DHX30: variants seen among roughly 807,000 people sequenced by gnomAD.
DHX30 encodes the protein ATP-dependent RNA helicase DHX30.
Under a neutral mutation model 116.9 loss-of-function variants are expected in DHX30, and 4 were observed. That is an observed-to-expected ratio of 0.03 (90% CI 0.02 to 0.08). DHX30 has a LOEUF of 0.08. Among genes scored for constraint, DHX30 ranks in the 10% least tolerant of loss-of-function variants. The pLI is 1.00. For missense variants in DHX30, 871 were observed against 1,595.1 expected (o/e 0.55, Z 7.73); for synonymous variants, 697 against 651.7 (o/e 1.07, Z -1.06).
intron 18 of DHX30, 50 bp from the exon 19 acceptor site, chr3:47,849,142 C>T (rs1223356132): frequency 6.2e-7 from 1 of 1,613,086 alleles, no homozygotes; most frequent in Non-Finnish European, 8.5e-7. Context: ...TCTGTCACCT[C>T]CAGCCTGTGG....
rs1372568742 is a variant in DHX30 at position 47,847,553 on chromosome 3, A to T, written c.2110+17A>T. 12 of 1,565,226 alleles carry T rather than the reference A, an allele frequency of 7.7e-6. No individual in the cohort carries two copies. The highest frequency in any genetic ancestry group is 1.2e-5 in the South Asian group (1 of 85,422). On this transcript the variant is annotated intron_variant, in intron 13 of 21. Coordinates refer to ENST00000445061, the MANE Select transcript of DHX30 (RefSeq NM_138615.3). The surrounding 1 kb of genome is among the most constrained non-coding windows in gnomAD (Gnocchi z 5.5). ...TCCTGCCAGGTGAGAGCCCCGGCGG[A>T]GGGACCAGGGACCTTTGGAAACCAG...
intron 3 of DHX30, among the ~76,000 whole-genome samples, chr3:47,812,709 G>C (rs1372533788): frequency 6.7e-6 from 1 of 149,604 alleles, no homozygotes; most frequent in African/African-American, 2.5e-5. Context: ...TGTTGCCCAG[G>C]CTGGAGTGCA....
chr3:47,827,591 A>G (rs1393327865), intron 5 of DHX30, 114 bp downstream of exon 5: 2 of 1,387,906 alleles, frequency 1.4e-6, no homozygotes, highest in East Asian at 2.5e-5. Context: ...TTCCTGAATT[A>G]AAATGGTCAG....
chr3:47,843,685 A>T (rs1331294487), intron 9 of DHX30, among the ~76,000 whole-genome samples: 1 of 152,066 alleles, frequency 6.6e-6, no homozygotes, highest in Non-Finnish European at 1.5e-5. Context: ...CAAGGTAGAG[A>T]CAGTGTGGCA....
At position 47,847,167 on chromosome 3, in the gene DHX30, T is replaced by C. The variant is rs1354983162; in HGVS notation, c.1930-106T>C. On this transcript the variant is annotated intron_variant, in intron 11 of 21. Coordinates refer to ENST00000445061, the MANE Select transcript of DHX30 (RefSeq NM_138615.3). This position sits in a 1 kb window ranked among gnomAD's most constrained non-coding sequence, Gnocchi z 5.5. ...CTGCCTGCGTGGCACACGTGAGGAT[T>C]GGAGTTGATGTCAAGCGGCTCCGTC... 2 of 1,506,378 alleles carry C rather than the reference T, an allele frequency of 1.3e-6. No homozygotes were observed. Among genetic ancestry groups the C allele is most frequent in the African/African-American group, 2.7e-5 (2 of 72,854 alleles). 93.3% of individuals were successfully genotyped at this position (1,506,378 alleles called of 1,614,324 possible). A position where few individuals can be genotyped will look rare whatever the true frequency, so the allele number is the denominator to read the frequency against.
At chr3:47,842,684 A>G (rs1363467149) in intron 8 of DHX30, 3 of 155,112 alleles carry the variant, frequency 1.9e-5, no homozygotes, top group Non-Finnish European at 4.3e-5. Context: ...TTCGTCTCAA[A>G]GTGTGGCGTT....
At chr3:47,817,044 C>G (rs1477689608) in intron 3 of DHX30, 2 of 769,206 alleles carry the variant, frequency 2.6e-6, no homozygotes, top group Middle Eastern at 6.8e-4. Flanking sequence ...ATATCTTTCT[C>G]CTCTTTACCA....
At chr3:47,838,536 A>G (rs915904425) in intron 6 of DHX30, among the ~76,000 whole-genome samples, 1 of 152,220 alleles carries the variant, frequency 6.6e-6, no homozygotes, top group Admixed American at 6.5e-5. Context: ...AAATTTAATT[A>G]TCTCAAAAAC....
intron 3 of DHX30, chr3:47,816,356 C>A: frequency 1.5e-5 from 14 of 924,364 alleles, no homozygotes; most frequent in South Asian, 5.0e-5. Flanking sequence ...GAGCCGTCTT[C>A]TTTTTTTTTT....
intron 6 of DHX30, among the ~76,000 whole-genome samples, chr3:47,837,458 TGGA>T (rs1355871274): frequency 6.6e-6 from 1 of 152,110 alleles, no homozygotes; most frequent in Non-Finnish European, 1.5e-5. Flanking sequence ...GCGGCAGCTG[TGGA>T]GGAGGTTTCT....
rs575212931 is a variant in DHX30 at position 47,844,171 on chromosome 3, G to A, written c.939+916G>A. 5.3e-5 allele frequency among the ~76,000 whole-genome samples: 8 copies of A among 152,346 alleles called. No individual in the cohort carries two copies. In the South Asian group the frequency reaches 1.0e-3, roughly 20 times the overall value. ...GGCCTGCTTTACTCTGAATGGTCAG[G>A]TGCACCATTTCATGGGTACAGTTGG... On this transcript the variant is annotated intron_variant, in intron 9 of 21. Coordinates refer to ENST00000445061, the MANE Select transcript of DHX30 (RefSeq NM_138615.3).
chr3:47,826,664 C>T (rs1342070783), intron 4 of DHX30, among the ~76,000 whole-genome samples: 1 of 151,946 alleles, frequency 6.6e-6, no homozygotes, highest in African/African-American at 2.4e-5. Context: ...ACTATGTTGG[C>T]CAGGTTGTCA....
At chr3:47,811,838 C>T (rs563852696) in intron 3 of DHX30, among the ~76,000 whole-genome samples, 15 of 152,042 alleles carry the variant, frequency 9.9e-5, no homozygotes, top group South Asian at 4.1e-4. Context: ...CCAAGGTGGA[C>T]GGATTGCCTG....
At chr3:47,806,847 C>T (rs1331083788) in intron 2 of DHX30, among the ~76,000 whole-genome samples, 1 of 151,990 alleles carries the variant, frequency 6.6e-6, no homozygotes, top group Non-Finnish European at 1.5e-5. Flanking sequence ...CCTGCCTCAG[C>T]CTCCCAAAGT....
rs772881411 is a variant in DHX30 at position 47,846,629 on chromosome 3, G to A, written c.1557G>A (p.Val519=). 1.2e-6 allele frequency: 2 copies of A among 1,614,072 alleles called. No individual in the cohort carries two copies. Among genetic ancestry groups the A allele is most frequent in the Non-Finnish European group, 1.7e-6 (2 of 1,179,988 alleles). The change falls in exon 11 of 22, where the codon GTG becomes GTA. Residue 519 remains valine (V), a synonymous_variant. Transcript: ENST00000445061. ...TGCGCCGGAATGTGGGCTTCCAGGT[G>A]CGGTTGGAAAGTAAGCCCCCATCCC... ...PSLRRNVGFQ[V]RLESKPPSRG... is the part of the protein sequence containing the mutation.
intron 3 of DHX30, among the ~76,000 whole-genome samples, chr3:47,811,192 G>A (rs976224732): frequency 2.0e-5 from 3 of 151,596 alleles, no homozygotes; most frequent in Non-Finnish European, 4.4e-5. Context: ...GACCTCAAGT[G>A]ATCCACCCAC....
chr3:47,839,099 AT>A (rs1296845463), intron 6 of DHX30, among the ~76,000 whole-genome samples: 2 of 151,942 alleles, frequency 1.3e-5, no homozygotes, highest in Non-Finnish European at 2.9e-5. Flanking sequence ...TCTCCTGATG[AT>A]GCTTAGGTGG....
chr3:47,847,587 C>G lies in DHX30; in HGVS notation c.2110+51C>G, dbSNP rs1393789472. The G allele has an allele frequency of 6.6e-7, 1 of 1,517,340 alleles. No homozygotes were observed. The allele number at this position is 1,517,340 out of a possible 1,614,324, so 94.0% of individuals were successfully genotyped here. A position where few individuals can be genotyped will look rare whatever the true frequency, so the allele number is the denominator to read the frequency against. ...GGACCTTTGGAAACCAGCCTGACCT[C>G]TGTCCTAGGGACTGACCCAACTGGG... On this transcript the variant is annotated intron_variant, in intron 13 of 21. Transcript: ENST00000445061. This position sits in a 1 kb window ranked among gnomAD's most constrained non-coding sequence, Gnocchi z 5.5.
chr3:47,825,045 G>A (rs969708461), intron 4 of DHX30: 1 of 653,642 alleles, frequency 1.5e-6, no homozygotes, highest in Non-Finnish European at 2.8e-6. Context: ...GCACGATGGC[G>A]GCCGCTAGGA....
Sources: allele counts gnomAD v4.1 joint callset (sites outside exome capture counted in the v4.1 genomes callset), GRCh38; gene constraint gnomAD v4.1.1; non-coding constraint Gnocchi (gnomAD v3.1); transcripts MANE v1.5; gene names NCBI Gene and HGNC (gene_info 2026-07-23, HGNC 2026-07-21).